Variants in MAST4 observed in about 807,000 individuals in gnomAD.
MAST4 encodes microtubule associated serine/threonine kinase family member 4, also known as microtubule-associated serine/threonine-protein kinase 4.
Under a neutral mutation model 162.7 loss-of-function variants are expected in MAST4, and 89 were observed. That is an observed-to-expected ratio of 0.55 (90% CI 0.46 to 0.65). MAST4 has a LOEUF of 0.65. Ranked by LOEUF, MAST4 falls within the 30% of genes least tolerant of loss-of-function variation. The pLI is 0.00. For synonymous variants in MAST4, 1,479 were observed against 1,361.1 expected (o/e 1.09, Z -1.91); for missense variants, 3,153 against 3,374.0 (o/e 0.93, Z 1.62).
intron 3 of MAST4, among the ~76,000 whole-genome samples, chr5:66,861,801 A>G (rs1760136602): frequency 6.6e-6 from 1 of 152,226 alleles, no homozygotes; most frequent in South Asian, 2.1e-4. Context: ...CCTTTTATCC[A>G]TATACCCCAC....
rs78309748 is a variant in MAST4 at position 66,940,454 on chromosome 5, T to C, written c.674+40472T>C. ...CTGCTATTGCTTTATCAACTAAGTTTGTGTAATATTCTAAATCCTTTGGTT... is the reference window on the plus strand; with the variant it reads ...CTGCTATTGCTTTATCAACTAAGTTCGTGTAATATTCTAAATCCTTTGGTT... On this transcript the variant is annotated intron_variant, in intron 4 of 28. Coordinates refer to ENST00000403625, the MANE Select transcript of MAST4 (RefSeq NM_001164664.2). Among the ~76,000 whole-genome samples, 1,274 of 152,340 alleles carry C rather than the reference T, an allele frequency of 8.4e-3. 11 individuals carry two copies. The highest frequency in any genetic ancestry group is 0.029 in the African/African-American group (1,205 of 41,586).
At chr5:67,022,658 T>C (rs947409068) in intron 4 of MAST4, among the ~76,000 whole-genome samples, 17 of 152,270 alleles carry the variant, frequency 1.1e-4, no homozygotes, top group African/African-American at 3.8e-4. Context: ...AAGGAAACAA[T>C]TGAATATTTT....
At chr5:66,765,179 T>C (rs1262067026) in intron 2 of MAST4, among the ~76,000 whole-genome samples, 3 of 152,182 alleles carry the variant, frequency 2.0e-5, no homozygotes, top group African/African-American at 7.2e-5. Flanking sequence ...GTACACCCTA[T>C]GATGTTTGCA....
At chr5:66,997,955 G>A (rs971834880) in intron 4 of MAST4, among the ~76,000 whole-genome samples, 12 of 152,202 alleles carry the variant, frequency 7.9e-5, no homozygotes, top group African/African-American at 2.9e-4. Context: ...AGGAAATTCC[G>A]ATTGTTACAG....
chr5:66,822,523 G>C, intron 3 of MAST4, among the ~76,000 whole-genome samples: 1 of 152,182 alleles, frequency 6.6e-6, no homozygotes, highest in African/African-American at 2.4e-5. Context: ...AGGATGAAGA[G>C]TTGTTCAAAC....
At chr5:66,819,245 C>G (rs1022160112) in intron 3 of MAST4, among the ~76,000 whole-genome samples, 10 of 152,154 alleles carry the variant, frequency 6.6e-5, no homozygotes, top group African/African-American at 2.4e-4. Context: ...ATCTAGCCTT[C>G]TGCATTGCTA....
rs543185480 is a variant in MAST4 at position 66,646,924 on chromosome 5, T to G, written c.363+49906T>G. Among the ~76,000 whole-genome samples, 10 of 152,336 alleles carry G rather than the reference T, an allele frequency of 6.6e-5. No homozygotes were observed. In the South Asian group the frequency reaches 2.1e-3, roughly 32 times the overall value. On this transcript the variant is annotated intron_variant, in intron 1 of 28. Transcript: ENST00000403625. ...TTATCAATGTGATTGAAAATTTAAA[T>G]GACTTAAAATAACCTTTAAATAAGA...
chr5:67,074,270 C>T (rs1248950317), intron 5 of MAST4, among the ~76,000 whole-genome samples: 1 of 151,872 alleles, frequency 6.6e-6, no homozygotes, highest in Non-Finnish European at 1.5e-5. Flanking sequence ...ACTTGATTTG[C>T]AAATATTAAA....
chr5:66,781,757 A>G (rs1464725968), intron 2 of MAST4, among the ~76,000 whole-genome samples: 3 of 152,232 alleles, frequency 2.0e-5, no homozygotes. Context: ...TCCAAGAAAA[A>G]TCACCCAAAA....
chr5:66,864,632 G>A (rs1183783169), intron 3 of MAST4, among the ~76,000 whole-genome samples: 1 of 141,398 alleles, frequency 7.1e-6, no homozygotes, highest in Non-Finnish European at 1.6e-5. Context: ...TGGTGTTATG[G>A]GTTGAATTAT....
In MAST4 at chr5:66,753,423, A is replaced by G. The variant is rs1462231256; in HGVS notation, c.364-6286A>G. On this transcript the variant is annotated intron_variant, in intron 1 of 28. Coordinates refer to ENST00000403625, the MANE Select transcript of MAST4 (RefSeq NM_001164664.2). Reference sequence around the variant, plus strand: ...CGCTAGCAAGACTAATAAAGAAAAAAAGAGAGAAGAATCAAATAGACGCAA... The same window carrying G: ...CGCTAGCAAGACTAATAAAGAAAAAGAGAGAGAAGAATCAAATAGACGCAA... Among the ~76,000 whole-genome samples the G allele has an allele frequency of 7.2e-3, 1,095 of 151,696 alleles. 5 individuals carry two copies. Among genetic ancestry groups the G allele is most frequent in the Middle Eastern group, 0.02 (6 of 294 alleles).
At chr5:66,977,068 T>C (rs1307144208) in intron 4 of MAST4, among the ~76,000 whole-genome samples, 1 of 152,022 alleles carries the variant, frequency 6.6e-6, no homozygotes, top group African/African-American at 2.4e-5. Flanking sequence ...ATATAGAAAG[T>C]CTCACCTTCA....
At chr5:67,144,865 G>A (rs1298656168) in intron 22 of MAST4, 69 bp downstream of exon 22, 2 of 1,513,550 alleles carry the variant, frequency 1.3e-6, no homozygotes, top group Non-Finnish European at 1.8e-6. Flanking sequence ...ACTTTAGTGA[G>A]CATCAGAATA....
In MAST4 at chr5:67,163,003, C is replaced by A. The variant is rs1462833682; in HGVS notation, c.3968-144C>A. On this transcript the variant is annotated intron_variant, in intron 28 of 28. Coordinates refer to ENST00000403625, the MANE Select transcript of MAST4 (RefSeq NM_001164664.2). This position sits in a 1 kb window ranked among gnomAD's most constrained non-coding sequence, Gnocchi z 7.0. ...TAAACCTTGGCCTGGAGAGGTTTAT[C>A]TGAAAAGTGTTTATTCCACTAGCTA... The A allele has an allele frequency of 2.7e-6, 3 of 1,118,318 alleles. No individual in the cohort carries two copies. In the African/African-American group the frequency reaches 4.7e-5, roughly 17 times the overall value. 69.3% of individuals were successfully genotyped at this position (1,118,318 alleles called of 1,614,324 possible).
At chr5:67,022,368 A>G (rs11956654) in intron 4 of MAST4, among the ~76,000 whole-genome samples, 32,105 of 151,680 alleles carry the variant, frequency 0.21, 3,729 homozygotes, top group Non-Finnish European at 0.26. Context: ...TGCATGGTAC[A>G]TTATTGCTAG....
rs982403838 is a variant in MAST4, at chr5:67,095,736, G to A, written c.912+61G>A. 5.5e-6 allele frequency: 7 copies of A among 1,275,656 alleles called. No homozygotes were observed. In the East Asian group the frequency reaches 1.5e-4, roughly 27 times the overall value. The allele number at this position is 1,275,656 out of a possible 1,614,324, so 79.0% of individuals were successfully genotyped here. Reference sequence around the variant, plus strand: ...TCACAACAACAGAGCTATTACACAGGCAGTGTTTTCTCTGGGTGTTTCCTG... The same window carrying A: ...TCACAACAACAGAGCTATTACACAGACAGTGTTTTCTCTGGGTGTTTCCTG... On this transcript the variant is annotated intron_variant, in intron 7 of 28. Transcript: ENST00000403625.
At chr5:67,033,351 T>G (rs1347000491) in intron 4 of MAST4, among the ~76,000 whole-genome samples, 4 of 71,892 alleles carry the variant, frequency 5.6e-5, no homozygotes, top group Admixed American at 2.8e-4. Context: ...GTGTGGCTTT[T>G]TTTTTTTCAG....
Position 67,102,556 on chromosome 5 carries a change from G to T in MAST4, c.1091G>T (p.Cys364Phe). Residue 364 changes from cysteine to phenylalanine, a missense_variant, in exon 9 of 29, where the codon TGC becomes TTC. This residue lies in a region of MAST4 where 360 missense variants were observed against 450.0 expected (regional missense o/e 0.80). Transcript: ENST00000403625. ...RSLSPGRSPA[C>F]CDHEIIMMNH... is the part of the protein sequence containing the mutation. Reference sequence around the variant, plus strand: ...TGCAGCCCTGGACGTTCTCCCGCCTGCTGTGACCATGAAATAATTATGATG... The same window carrying T: ...TGCAGCCCTGGACGTTCTCCCGCCTTCTGTGACCATGAAATAATTATGATG... 6.2e-7 allele frequency: 1 copy of T among 1,613,934 alleles called. No individual in the cohort carries two copies. The highest frequency in any genetic ancestry group is 8.5e-7 in the Non-Finnish European group (1 of 1,179,838).
rs930023067 is a variant in MAST4 at position 67,166,648 on chromosome 5, G to A, written c.7469G>A (p.Gly2490Asp). The A allele has an allele frequency of 8.8e-6, 14 of 1,598,912 alleles. No individual in the cohort carries two copies. The highest frequency in any genetic ancestry group is 1.7e-5 in the Admixed American group (1 of 57,894). The change falls in exon 29 of 29, where the codon GGC becomes GAC. Residue 2490 changes from glycine (G) to aspartate (D), a missense_variant. Gly to Asp is a moderately conservative substitution (Grantham distance 94). Coordinates refer to ENST00000403625, the MANE Select transcript of MAST4 (RefSeq NM_001164664.2). ...SDTSSAKAAG[G>D]MLELPAPSNR... ...ACCTCTTCTGCCAAGGCCGCCGGGG[G>A]CATGCTGGAGCTTCCAGCCCCCAGC...
Sources: allele counts gnomAD v4.1 joint callset (sites outside exome capture counted in the v4.1 genomes callset), GRCh38; gene constraint gnomAD v4.1.1; regional missense constraint gnomAD v4.1.1; non-coding constraint Gnocchi (gnomAD v3.1); transcripts MANE v1.5; gene names NCBI Gene and HGNC (gene_info 2026-07-23, HGNC 2026-07-21).